Variants in SCHIP1 observed in about 807,000 individuals in gnomAD.
SCHIP1 encodes schwannomin-interacting protein 1.
SCHIP1 carries 8 observed loss-of-function variants against 29.7 expected under a neutral mutation model. The ratio of observed to expected loss-of-function variants is 0.27; its 90% CI spans 0.16 to 0.49. SCHIP1 has a LOEUF of 0.49. Among genes scored for constraint, SCHIP1 ranks in the 20% least tolerant of loss-of-function variants. The pLI is 0.99. For synonymous variants in SCHIP1, 76 were observed against 94.9 expected (o/e 0.80, Z 1.16); for missense variants, 193 against 294.6 (o/e 0.66, Z 2.52).
At chr3:159,560,539 A>T in the SCHIP1 span, among the ~76,000 whole-genome samples, 5 of 151,946 alleles carry the variant, frequency 3.3e-5, no homozygotes, top group Non-Finnish European at 7.4e-5. Context: ...TCCTTATCCC[A>T]CTGAGTTAAG....
the SCHIP1 span, among the ~76,000 whole-genome samples, chr3:159,442,320 G>T: frequency 2.6e-5 from 4 of 152,306 alleles, no homozygotes; most frequent in African/African-American, 9.6e-5. Flanking sequence ...AGGCAGGAAA[G>T]AGGAATATCA....
chr3:159,599,989 T>C, the SCHIP1 span, among the ~76,000 whole-genome samples: 17 of 152,348 alleles, frequency 1.1e-4, no homozygotes, highest in Non-Finnish European at 2.5e-4. Context: ...CTGGAGATAG[T>C]ATCCTTGGTT....
chr3:159,299,067 A>G, the SCHIP1 span, among the ~76,000 whole-genome samples: 1 of 147,426 alleles, frequency 6.8e-6, no homozygotes, highest in African/African-American at 2.4e-5. Flanking sequence ...CAAATTCTCA[A>G]AGCTTTATAA....
chr3:159,286,843 T>A, the SCHIP1 span, among the ~76,000 whole-genome samples: 86 of 152,340 alleles, frequency 5.6e-4, 1 homozygote, highest in South Asian at 0.011. Context: ...CATTTTTTCA[T>A]ATGCTTGTTG....
the SCHIP1 span, among the ~76,000 whole-genome samples, chr3:159,358,308 G>A: frequency 6.6e-6 from 1 of 152,180 alleles, no homozygotes; most frequent in Non-Finnish European, 1.5e-5. Flanking sequence ...TCTCATAAAG[G>A]TAGACAGGGG....
chr3:159,670,180 G>A, the SCHIP1 span, among the ~76,000 whole-genome samples: 6 of 152,114 alleles, frequency 3.9e-5, no homozygotes, highest in Non-Finnish European at 7.4e-5. Flanking sequence ...TTTGCTTTTC[G>A]GCTGGATTAG....
At chr3:159,803,395 G>T in the SCHIP1 span, among the ~76,000 whole-genome samples, 16 of 152,220 alleles carry the variant, frequency 1.1e-4, no homozygotes, top group Non-Finnish European at 2.4e-4. Flanking sequence ...ACAGACGTGT[G>T]GGTGTAAGTC....
In SCHIP1 at chr3:159,861,910, G is replaced by A. The variant is rs1424947651; in HGVS notation, c.31-4253G>A. ...TATTGGGCTTGGCTGGATTAAGGGG[G>A]CTGGTGGAAGACATATTTGCCTTGC... On this transcript the variant is annotated intron_variant, in intron 1 of 6. Transcript: ENST00000445224. This position sits in a 1 kb window ranked among gnomAD's most constrained non-coding sequence, Gnocchi z 4.1. 3.3e-5 allele frequency among the ~76,000 whole-genome samples: 5 copies of A among 152,164 alleles called. No homozygotes were observed. The South Asian group carries it at 8.3e-4, about 25-fold the overall frequency.
At chr3:159,371,547 A>T in the SCHIP1 span, among the ~76,000 whole-genome samples, 1 of 152,216 alleles carries the variant, frequency 6.6e-6, no homozygotes, top group African/African-American at 2.4e-5. Context: ...GTGTTTTAAA[A>T]GTTAAAAAGA....
the SCHIP1 span, among the ~76,000 whole-genome samples, chr3:159,723,653 C>T: frequency 3.3e-5 from 5 of 152,144 alleles, no homozygotes; most frequent in African/African-American, 1.2e-4. Flanking sequence ...CAGCCCTAAC[C>T]CCATATAGTA....
the SCHIP1 span, among the ~76,000 whole-genome samples, chr3:159,422,140 G>A: frequency 6.6e-6 from 1 of 152,016 alleles, no homozygotes; most frequent in East Asian, 1.9e-4. Flanking sequence ...TTTGTCTGGT[G>A]TGCTTTTCAA....
At chr3:159,581,179 G>A in the SCHIP1 span, among the ~76,000 whole-genome samples, 2 of 152,068 alleles carry the variant, frequency 1.3e-5, no homozygotes, top group Admixed American at 1.3e-4. Flanking sequence ...CTCTATAAGT[G>A]CAACTAAAAA....
the SCHIP1 span, among the ~76,000 whole-genome samples, chr3:159,289,978 T>A: frequency 3.3e-5 from 5 of 152,354 alleles, no homozygotes. Flanking sequence ...AAGATTCTGC[T>A]GCACCCAACG....
At chr3:159,768,007 C>T in the SCHIP1 span, among the ~76,000 whole-genome samples, 1 of 152,130 alleles carries the variant, frequency 6.6e-6, no homozygotes. Flanking sequence ...ATGACAACAA[C>T]ACAACCCATA....
At chr3:159,847,438 T>G (rs1013402463) in intron 1 of SCHIP1, among the ~76,000 whole-genome samples, 7 of 152,166 alleles carry the variant, frequency 4.6e-5, no homozygotes, top group Admixed American at 1.3e-4. Context: ...CATCAGAAAC[T>G]ACCAAACTTC....
the SCHIP1 span, among the ~76,000 whole-genome samples, chr3:159,360,093 G>T: frequency 0.11 from 16,756 of 152,086 alleles, 2,833 homozygotes; most frequent in African/African-American, 0.36. Context: ...AATGTAAATA[G>T]CTGGACCCAG....
chr3:159,819,638 C>T, the SCHIP1 span, among the ~76,000 whole-genome samples: 1 of 152,216 alleles, frequency 6.6e-6, no homozygotes, highest in African/African-American at 2.4e-5. Flanking sequence ...CCCTAAACTG[C>T]TTCATAAGGA....
chr3:159,635,121 T>C, the SCHIP1 span, among the ~76,000 whole-genome samples: 2 of 152,244 alleles, frequency 1.3e-5, no homozygotes, highest in African/African-American at 4.8e-5. Context: ...TTTACAATTC[T>C]AACTTTGCAG....
chr3:159,437,627 C>T, the SCHIP1 span, among the ~76,000 whole-genome samples: 2 of 151,680 alleles, frequency 1.3e-5, no homozygotes, highest in Non-Finnish European at 2.9e-5. Flanking sequence ...CATCTCCATT[C>T]GTCTTTTAAA....
Sources: allele counts gnomAD v4.1 joint callset (sites outside exome capture counted in the v4.1 genomes callset), GRCh38; gene constraint gnomAD v4.1.1; non-coding constraint Gnocchi (gnomAD v3.1); transcripts MANE v1.5; gene names NCBI Gene and HGNC (gene_info 2026-07-23, HGNC 2026-07-21).